Variants in TC2N observed in about 807,000 individuals in gnomAD.
TC2N encodes tandem C2 domains nuclear protein.
Under a neutral mutation model 61.9 loss-of-function variants are expected in TC2N, and 51 were observed. The ratio of observed to expected loss-of-function variants is 0.82; its 90% confidence interval spans 0.66 to 1.04. The LOEUF (loss-of-function observed/expected upper bound fraction) is 1.04. Ranked by LOEUF, TC2N falls within the 50% of genes least tolerant of loss-of-function variation. The pLI is 0.00. For missense variants in TC2N, 556 were observed against 566.7 expected, an observed-to-expected ratio of 0.98 and a Z score of 0.19; for synonymous variants, 204 against 192.6, an observed-to-expected ratio of 1.06 and a Z score of -0.49.
chr14:91,830,612 T>C (rs1027916571), intron 1 of TC2N, among the ~76,000 whole-genome samples: 1 of 152,046 alleles, frequency 6.6e-6, no homozygotes, highest in Admixed American at 6.6e-5. Context: ...GACAAGAGTG[T>C]TCTAGAATTA....
At chr14:91,794,101 G>A (rs1566763255) in intron 8 of TC2N, among the ~76,000 whole-genome samples, 1 of 152,094 alleles carries the variant, frequency 6.6e-6, no homozygotes, top group Non-Finnish European at 1.5e-5. Context: ...ATTCCCTTAA[G>A]CCAAAACCTA....
rs754400996 is a variant in TC2N at position 91,812,280 on chromosome 14, C to T, written c.301+32G>A. On this transcript the variant is annotated intron_variant, in intron 3 of 11. Transcript: ENST00000435962. The stretch of plus-strand genomic sequence containing the variant: ...ATAATAGCACTTAAATGCTACATAT[C>T]GATTTTTAAATACTGCTATTTTATT... 51 of 1,257,440 alleles carry T rather than the reference C, an allele frequency of 4.1e-5. No individual in the cohort carries two copies. The Admixed American group carries it at 4.7e-4, about 12-fold the overall frequency. 77.9% of individuals were successfully genotyped at this position (1,257,440 alleles called of 1,614,324 possible).
chr14:91,816,074 G>C (rs905858285), intron 1 of TC2N, among the ~76,000 whole-genome samples: 4 of 151,688 alleles, frequency 2.6e-5, no homozygotes, highest in Non-Finnish European at 4.4e-5. Flanking sequence ...ATTAGAAGTA[G>C]TGCCACAGTA....
rs768522532 is a variant in TC2N, at chr14:91,797,738, A to C, written c.855+47T>G. On this transcript the variant is annotated intron_variant, in intron 8 of 11. Coordinates refer to ENST00000435962, the MANE Select transcript of TC2N (RefSeq NM_001128596.3). ...TACATGGGTAAAAGTGACAAATATA[A>C]AAAAAAAAAAAACAGAAAAGAAATT... The C allele has an allele frequency of 8.1e-3, 2,876 of 357,088 alleles. 4 individuals carry two copies. Among genetic ancestry groups the C allele is most frequent in the South Asian group, 0.02 (510 of 25,084 alleles). The allele number at this position is 357,088 out of a possible 1,614,324, so 22.1% of individuals were successfully genotyped here.
intron 1 of TC2N, among the ~76,000 whole-genome samples, chr14:91,818,345 T>A (rs1466790065): frequency 2.6e-5 from 4 of 152,082 alleles, no homozygotes; most frequent in African/African-American, 9.7e-5. Context: ...AAACTATACA[T>A]AACTGGTATT....
rs898591371 is a variant in TC2N, at chr14:91,781,423, T to C, written c.*1677A>G. The C allele has an allele frequency of 1.3e-5, 2 of 152,092 alleles. No individual in the cohort carries two copies. Among genetic ancestry groups the C allele is most frequent in the African/African-American group, 4.8e-5 (2 of 41,432 alleles). The allele number at this position is 152,092 out of a possible 1,614,324, so 9.4% of individuals were successfully genotyped here. On this transcript the variant is annotated 3_prime_UTR_variant, in exon 12 of 12. Transcript: ENST00000435962. ...ATAATGATGTTTCAGAGTAGGTTCA[T>C]TGATTGTAACAAATGTACCATTGTG...
intron 1 of TC2N, among the ~76,000 whole-genome samples, chr14:91,855,394 C>T (rs1888464166): frequency 6.6e-6 from 1 of 152,174 alleles, no homozygotes; most frequent in Non-Finnish European, 1.5e-5. Flanking sequence ...AGGGGAGAAT[C>T]CTTCCCTGCC....
intron 4 of TC2N, 84 bp from the exon 5 acceptor site, chr14:91,800,456 A>T (rs1002991160): frequency 1.5e-6 from 1 of 653,736 alleles, no homozygotes; most frequent in African/African-American, 1.9e-5. Flanking sequence ...CTCTGTAGCA[A>T]TACATCATGA....
chr14:91,793,826 G>A (rs949623603), intron 8 of TC2N, among the ~76,000 whole-genome samples: 2 of 152,128 alleles, frequency 1.3e-5, no homozygotes, highest in Non-Finnish European at 2.9e-5. Flanking sequence ...AAGTGTTCAA[G>A]GGAAAGGAAC....
At chr14:91,798,259 A>G (rs2139839757) in intron 7 of TC2N, 40 bp downstream of exon 7, 4 of 1,107,020 alleles carry the variant, frequency 3.6e-6, no homozygotes, top group Non-Finnish European at 5.3e-6. Context: ...CTAAATATTC[A>G]ATTTTGTAAT....
chr14:91,829,016 A>G (rs1887626687), intron 1 of TC2N, among the ~76,000 whole-genome samples: 1 of 151,908 alleles, frequency 6.6e-6, no homozygotes, highest in African/African-American at 2.4e-5. Context: ...CCATTGTTAT[A>G]AAGAAGGCAG....
At chr14:91,823,697 C>A (rs1168251751) in intron 1 of TC2N, among the ~76,000 whole-genome samples, 11 of 151,950 alleles carry the variant, frequency 7.2e-5, no homozygotes, top group Non-Finnish European at 1.6e-4. Context: ...AGGGCAGGAC[C>A]AGTCAGGTTA....
At chr14:91,828,769 T>C (rs944126154) in intron 1 of TC2N, among the ~76,000 whole-genome samples, 1 of 152,082 alleles carries the variant, frequency 6.6e-6, no homozygotes, top group Admixed American at 6.5e-5. Context: ...TGTAAAATTA[T>C]AGTTCAATCT....
rs1364062287 is a variant in TC2N at position 91,837,420 on chromosome 14, A to G, written c.-56-23595T>C. 2.0e-5 allele frequency among the ~76,000 whole-genome samples: 3 copies of G among 152,046 alleles called. No individual in the cohort carries two copies. The highest frequency in any genetic ancestry group is 4.8e-5 in the African/African-American group (2 of 41,374). On this transcript the variant is annotated intron_variant, in intron 1 of 11. Coordinates refer to ENST00000435962, the MANE Select transcript of TC2N (RefSeq NM_001128596.3). This position sits in a 1 kb window ranked among gnomAD's most constrained non-coding sequence, Gnocchi z 4.2. Reference sequence around the variant, plus strand: ...TTTTTTGTAGAGATGAAGTCTTATTATATGGCCCAGGCTAGTCTTGAACTC... The same window carrying G: ...TTTTTTGTAGAGATGAAGTCTTATTGTATGGCCCAGGCTAGTCTTGAACTC...
rs745811695 is a variant in TC2N at position 91,802,299 on chromosome 14, G to T, written c.424C>A (p.Arg142=). ...ACTTCTGAACGGGGAGGAAAGCGTC[G>T]ACTCAAATCAGGTGAAATGTGCTGA... ...MYQHISPDLS[R]RFPPRSEVKR... The change falls in exon 4 of 12, where the codon CGA becomes AGA. Residue 142 remains arginine, a synonymous_variant. Transcript: ENST00000435962. The T allele has an allele frequency of 1.4e-5, 23 of 1,602,000 alleles. No individual in the cohort carries two copies. The highest frequency in any genetic ancestry group is 1.7e-5 in the Non-Finnish European group (20 of 1,175,728).
chr14:91,798,008 A>G, intron 7 of TC2N, 107 bp from the exon 8 acceptor site: 1 of 728,826 alleles, frequency 1.4e-6, no homozygotes. Context: ...CAAAAAATAA[A>G]CTTGTCTACT....
chr14:91,803,408 T>TACAC (rs1182635823), intron 3 of TC2N, among the ~76,000 whole-genome samples: 3 of 92,876 alleles, frequency 3.2e-5, no homozygotes, highest in Middle Eastern at 5.1e-3. Flanking sequence ...CACACGTACA[T>TACAC]ACATACACAC....
At chr14:91,800,482 C>A in intron 4 of TC2N, 110 bp from the exon 5 acceptor site, 1 of 522,958 alleles carries the variant, frequency 1.9e-6, no homozygotes, top group South Asian at 6.2e-5. Flanking sequence ...TTGTGCAAAT[C>A]TACAGAAGAG....
intron 1 of TC2N, among the ~76,000 whole-genome samples, chr14:91,849,386 G>C (rs1230004912): frequency 1.3e-5 from 2 of 152,086 alleles, no homozygotes; most frequent in Non-Finnish European, 2.9e-5. Flanking sequence ...AGGTAGAACA[G>C]GTCAATCCAT....
Sources: gnomAD v4.1 joint callset for allele counts (sites outside exome capture counted in the v4.1 genomes callset) on GRCh38, gnomAD v4.1.1 for gene constraint, Gnocchi (gnomAD v3.1) non-coding constraint, MANE v1.5 for transcripts, NCBI Gene and HGNC (gene_info 2026-07-23, HGNC 2026-07-21) for gene names.